Variants in CTNNA3 observed in about 807,000 individuals in gnomAD.
CTNNA3 encodes catenin alpha 3, also known as catenin alpha-3.
Under a neutral mutation model 95.7 loss-of-function variants are expected in CTNNA3, and 76 were observed. The ratio of observed to expected loss-of-function variants is 0.79; its 90% CI spans 0.66 to 0.96. CTNNA3 has a LOEUF of 0.96. Ranked by LOEUF, CTNNA3 falls within the 40% of genes least tolerant of loss-of-function variation. CTNNA3 has a pLI of 0.00. For missense variants in CTNNA3, 1,191 were observed against 1,089.8 expected, an observed-to-expected ratio of 1.09 and a Z score of -1.31; for synonymous variants, 431 against 374.4, an observed-to-expected ratio of 1.15 and a Z score of -1.74.
chr10:66,624,227 A>G (rs1844852132), intron 9 of CTNNA3, among the ~76,000 whole-genome samples: 1 of 152,078 alleles, frequency 6.6e-6, no homozygotes, highest in Non-Finnish European at 1.5e-5. Flanking sequence ...TGAGCAAGAT[A>G]TTAAATTATT....
At chr10:67,368,633 T>C (rs973592825) in intron 5 of CTNNA3, among the ~76,000 whole-genome samples, 2 of 152,184 alleles carry the variant, frequency 1.3e-5, no homozygotes, top group African/African-American at 4.8e-5. Context: ...AGCAGCTAAA[T>C]AAATAAACGA....
At chr10:67,305,655 A>T (rs1291709105) in intron 5 of CTNNA3, among the ~76,000 whole-genome samples, 1 of 152,154 alleles carries the variant, frequency 6.6e-6, no homozygotes, top group Non-Finnish European at 1.5e-5. Flanking sequence ...TGGGGAGATA[A>T]GTTAGGATAC....
chr10:66,435,876 G>A (rs527852004), intron 11 of CTNNA3, among the ~76,000 whole-genome samples: 29 of 152,240 alleles, frequency 1.9e-4, no homozygotes, highest in Non-Finnish European at 4.1e-4. Context: ...CTGGTATGTT[G>A]TGTCTTTGTT....
chr10:66,021,023 G>A (rs902333775), intron 15 of CTNNA3, among the ~76,000 whole-genome samples: 6 of 152,068 alleles, frequency 3.9e-5, no homozygotes, highest in African/African-American at 1.2e-4. Flanking sequence ...CTTGATCACT[G>A]ACTCTTTCTT....
At chr10:66,322,587 T>C (rs961232254) in intron 12 of CTNNA3, among the ~76,000 whole-genome samples, 1 of 151,978 alleles carries the variant, frequency 6.6e-6, no homozygotes, top group African/African-American at 2.4e-5. Context: ...GGCTGAGCTG[T>C]AAATGCAGAG....
intron 13 of CTNNA3, among the ~76,000 whole-genome samples, chr10:66,177,862 T>C (rs1251983725): frequency 1.3e-5 from 2 of 151,966 alleles, no homozygotes; most frequent in African/African-American, 4.8e-5. Context: ...TAAGAAACAT[T>C]TTTGATTATT....
intron 7 of CTNNA3, among the ~76,000 whole-genome samples, chr10:66,806,794 G>C (rs1294218538): frequency 7.7e-6 from 1 of 129,602 alleles, no homozygotes; most frequent in Non-Finnish European, 1.7e-5. Context: ...GTGTGTGTGT[G>C]TGTATACATA....
At chr10:67,652,563 C>G (rs1288367003) in intron 1 of CTNNA3, among the ~76,000 whole-genome samples, 3 of 151,590 alleles carry the variant, frequency 2.0e-5, no homozygotes, top group African/African-American at 7.3e-5. Flanking sequence ...GAAACCAAGT[C>G]TCTCTCTCTC....
intron 14 of CTNNA3, among the ~76,000 whole-genome samples, chr10:66,093,288 CT>C (rs2081279042): frequency 6.6e-6 from 1 of 152,054 alleles, no homozygotes; most frequent in Non-Finnish European, 1.5e-5. Flanking sequence ...AAGTACACTA[CT>C]TTACAATGGA....
intron 5 of CTNNA3, among the ~76,000 whole-genome samples, chr10:67,231,821 T>C (rs1456377384): frequency 6.6e-6 from 1 of 151,352 alleles, no homozygotes; most frequent in East Asian, 1.9e-4. Context: ...CTTAAAGGAG[T>C]TGATGGAGCT....
In CTNNA3 at chr10:67,392,114, A is replaced by G. The variant is rs906754829; in HGVS notation, c.579+129728T>C. 1.9e-4 allele frequency among the ~76,000 whole-genome samples: 29 copies of G among 152,226 alleles called. 1 individual carries two copies. Among genetic ancestry groups the G allele is most frequent in the African/African-American group, 6.8e-4 (28 of 41,462 alleles). On this transcript the variant is annotated intron_variant, in intron 5 of 17. Coordinates refer to ENST00000433211, the MANE Select transcript of CTNNA3 (RefSeq NM_013266.4). ...AAAACAAACTACCATCAGAGTGAAC[A>G]GGCAACCTACAAAATGGGAGAAAAT... is the stretch of plus-strand genomic sequence containing the variant.
At chr10:66,938,580 T>C (rs1306995338) in intron 7 of CTNNA3, among the ~76,000 whole-genome samples, 1 of 152,170 alleles carries the variant, frequency 6.6e-6, no homozygotes, top group Admixed American at 6.6e-5. Context: ...AAGCGATCGG[T>C]CTTGCTGTCT....
Position 67,331,863 on chromosome 10 carries a change from G to C in CTNNA3, c.580-111993C>G, listed in dbSNP as rs549768946. 3.2e-4 allele frequency among the ~76,000 whole-genome samples: 49 copies of C among 152,184 alleles called. 1 individual carries two copies. The South Asian group carries it at 9.8e-3, about 30-fold the overall frequency. ...AAATTTCAAACATAATGTCTTCCCA[G>C]TGAATTTCATCTTTACTCCTGAATC... On this transcript the variant is annotated intron_variant, in intron 5 of 17. Transcript: ENST00000433211.
chr10:67,339,438 C>T (rs1038672202), intron 5 of CTNNA3, among the ~76,000 whole-genome samples: 5 of 152,070 alleles, frequency 3.3e-5, no homozygotes, highest in South Asian at 2.1e-4. Flanking sequence ...AGGATATACA[C>T]GATATATCCT....
At chr10:66,112,526 A>G (rs868593738) in intron 13 of CTNNA3, among the ~76,000 whole-genome samples, 2 of 152,264 alleles carry the variant, frequency 1.3e-5, no homozygotes, top group Middle Eastern at 3.4e-3. Context: ...AGTGAATAAC[A>G]TAGTATTGCC....
At chr10:66,753,991 C>G (rs1839268852) in intron 9 of CTNNA3, among the ~76,000 whole-genome samples, 1 of 152,030 alleles carries the variant, frequency 6.6e-6, no homozygotes, top group Non-Finnish European at 1.5e-5. Flanking sequence ...CAATCCCTAT[C>G]AAGATTTCAG....
intron 6 of CTNNA3, among the ~76,000 whole-genome samples, chr10:67,191,972 A>T (rs867171045): frequency 6.6e-6 from 1 of 151,900 alleles, no homozygotes; most frequent in Admixed American, 6.6e-5. Context: ...CTGTAAAAGC[A>T]CAATGGGGAA....
At chr10:67,546,374 C>T (rs1469468254) in intron 3 of CTNNA3, among the ~76,000 whole-genome samples, 3 of 152,032 alleles carry the variant, frequency 2.0e-5, no homozygotes, top group Non-Finnish European at 1.5e-5. Flanking sequence ...CTCAAGTGAT[C>T]CTCCCTCTTC....
chr10:67,273,851 GAGA>G (rs1839077673), intron 5 of CTNNA3, among the ~76,000 whole-genome samples: 1 of 152,186 alleles, frequency 6.6e-6, no homozygotes, highest in South Asian at 2.1e-4. Context: ...GTAAAGTAAT[GAGA>G]ACAGGCAAAA....
Sources: gnomAD v4.1 joint callset for allele counts (sites outside exome capture counted in the v4.1 genomes callset) on GRCh38, gnomAD v4.1.1 for gene constraint, MANE v1.5 for transcripts, NCBI Gene and HGNC (gene_info 2026-07-23, HGNC 2026-07-21) for gene names.